Variants in ASPH observed in about 807,000 individuals in gnomAD.
ASPH encodes aspartate beta-hydroxylase.
ASPH carries 100 observed loss-of-function variants against 118.4 expected under a neutral mutation model. The observed-to-expected ratio is 0.84, with a 90% CI of 0.72 to 1.00. The LOEUF (loss-of-function observed/expected upper bound fraction) is 1.00, where lower values mean the gene tolerates loss of function less well. ASPH is among the 50% of genes least tolerant of loss of function. The pLI, the probability that ASPH is intolerant of heterozygous loss-of-function variation, is 0.00. For synonymous variants in ASPH, 315 were observed against 325.6 expected, an observed-to-expected ratio of 0.97 and a Z score of 0.35; for missense variants, 920 against 919.5, an observed-to-expected ratio of 1.00 and a Z score of -0.01.
At position 61,650,948 on chromosome 8, in the gene ASPH, C is replaced by T. The variant is rs528867283; in HGVS notation, c.490+102G>A. 26 of 1,194,346 alleles carry T rather than the reference C, an allele frequency of 2.2e-5. No homozygotes were observed. In the African/African-American group the frequency reaches 3.7e-4, roughly 17 times the overall value. 74.0% of individuals were successfully genotyped at this position (1,194,346 alleles called of 1,614,324 possible). On this transcript the variant is annotated intron_variant, in intron 5 of 24. Transcript: ENST00000379454. ...TCAAAAACTTTTTAAAAAACACAAA[C>T]ACCCAATTAACCTTTAAATTTTAAA...
chr8:61,675,959 G>C, intron 3 of ASPH: 2 of 1,516,288 alleles, frequency 1.3e-6, no homozygotes, highest in Non-Finnish European at 1.7e-6. Context: ...TGACTTGCAC[G>C]GTAAGATCAC....
intron 12 of ASPH, among the ~76,000 whole-genome samples, chr8:61,636,338 G>C (rs972248719): frequency 6.6e-6 from 1 of 152,118 alleles, no homozygotes; most frequent in African/African-American, 2.4e-5. Flanking sequence ...AAATGTTTAG[G>C]GAGTCTATTA....
chr8:61,534,807 A>G lies in ASPH; in HGVS notation c.1765-8695T>C, dbSNP rs149920179. On this transcript the variant is annotated intron_variant, in intron 21 of 24. Transcript: ENST00000379454. Reference sequence around the variant, plus strand: ...ATTTCAGTAACGGGATTTACGAAGGAAAGTCACTAATGGTAATTTGCAAGG... The same window carrying G: ...ATTTCAGTAACGGGATTTACGAAGGGAAGTCACTAATGGTAATTTGCAAGG... 3.1e-3 allele frequency among the ~76,000 whole-genome samples: 466 copies of G among 152,362 alleles called. 4 individuals carry two copies. Among genetic ancestry groups the G allele is most frequent in the African/African-American group, 0.011 (447 of 41,584 alleles).
At chr8:61,677,269 A>T (rs1825867283) in intron 3 of ASPH, among the ~76,000 whole-genome samples, 1 of 152,136 alleles carries the variant, frequency 6.6e-6, no homozygotes, top group East Asian at 1.9e-4. Context: ...TCCTGTGAAG[A>T]ACTGGCTCTG....
At chr8:61,567,376 C>T in intron 16 of ASPH, 58 bp from the exon 17 acceptor site, 1 of 1,466,182 alleles carries the variant, frequency 6.8e-7, no homozygotes. Context: ...TTGTAATTAC[C>T]CAAAATATTC....
intron 13 of ASPH, 141 bp from the exon 14 acceptor site, chr8:61,619,160 C>A (rs949346794): frequency 1.7e-6 from 1 of 575,408 alleles, no homozygotes; most frequent in East Asian, 3.1e-5. Flanking sequence ...TTTCCTAAAT[C>A]CTGAATTCAT....
chr8:61,686,673 T>C (rs1443733290), intron 1 of ASPH, among the ~76,000 whole-genome samples: 1 of 152,202 alleles, frequency 6.6e-6, no homozygotes, highest in Non-Finnish European at 1.5e-5. Flanking sequence ...AATATCCACA[T>C]ACTCTAAATA....
intron 24 of ASPH, among the ~76,000 whole-genome samples, chr8:61,506,001 T>C (rs1051893310): frequency 5.9e-5 from 9 of 152,162 alleles, no homozygotes; most frequent in Non-Finnish European, 1.2e-4. Context: ...GGAAGTGTAC[T>C]CAAAATGAAA....
At chr8:61,528,604 G>A (rs912933042) in intron 21 of ASPH, among the ~76,000 whole-genome samples, 1 of 7,228 alleles carries the variant, frequency 1.4e-4, no homozygotes, top group African/African-American at 3.3e-4. Flanking sequence ...CTGATCTTTT[G>A]TTACTAAAAA....
chr8:61,561,131 G>GAAA (rs1234606659), intron 18 of ASPH, among the ~76,000 whole-genome samples: 1 of 136,798 alleles, frequency 7.3e-6, no homozygotes, highest in African/African-American at 2.8e-5. Context: ...AGGGAGGGAG[G>GAAA]GAGGGAGGAA....
intron 20 of ASPH, among the ~76,000 whole-genome samples, chr8:61,549,159 C>T (rs1210358585): frequency 6.6e-6 from 1 of 152,160 alleles, no homozygotes; most frequent in African/African-American, 2.4e-5. Flanking sequence ...TTCATAGTAA[C>T]TTGAATATCT....
At chr8:61,705,526 CA>C (rs1240182610) in intron 1 of ASPH, among the ~76,000 whole-genome samples, 1 of 151,570 alleles carries the variant, frequency 6.6e-6, no homozygotes, top group Non-Finnish European at 1.5e-5. Flanking sequence ...GGAGACTTTA[CA>C]AAAAAAAGTA....
chr8:61,648,009 G>A (rs567217829), intron 5 of ASPH, among the ~76,000 whole-genome samples: 14 of 152,180 alleles, frequency 9.2e-5, no homozygotes, highest in Admixed American at 2.0e-4. Context: ...GCTTTGCAGT[G>A]CAGCTCAGGG....
intron 24 of ASPH, among the ~76,000 whole-genome samples, chr8:61,514,265 TAGGCTC>T (rs1383788751): frequency 5.3e-5 from 8 of 152,094 alleles, no homozygotes; most frequent in Non-Finnish European, 1.0e-4. Context: ...TACTGAAGAC[TAGGCTC>T]AGTTCCATCT....
chr8:61,613,368 C>T (rs753893624), intron 14 of ASPH, among the ~76,000 whole-genome samples: 2 of 152,160 alleles, frequency 1.3e-5, no homozygotes, highest in Non-Finnish European at 2.9e-5. Flanking sequence ...TCTACAATCA[C>T]GTAAGCCAAT....
At chr8:61,668,750 G>A (rs577684264) in intron 3 of ASPH, among the ~76,000 whole-genome samples, 35 of 152,184 alleles carry the variant, frequency 2.3e-4, no homozygotes, top group Middle Eastern at 3.4e-3. Context: ...CCACCAGTTC[G>A]CACTGTCTTT....
chr8:61,518,210 C>A, intron 22 of ASPH, 87 bp from the exon 23 acceptor site: 1 of 1,123,808 alleles, frequency 8.9e-7, no homozygotes, highest in African/African-American at 1.6e-5. Context: ...TATATGTCAT[C>A]CTCACTGCAG....
intron 16 of ASPH, among the ~76,000 whole-genome samples, chr8:61,572,202 A>C (rs1833662158): frequency 6.6e-6 from 1 of 152,190 alleles, no homozygotes; most frequent in Non-Finnish European, 1.5e-5. Context: ...GTCCTGTACA[A>C]ATGTCTGCAT....
intron 1 of ASPH, among the ~76,000 whole-genome samples, chr8:61,693,121 C>G (rs1046268155): frequency 3.9e-5 from 6 of 152,142 alleles, no homozygotes; most frequent in Non-Finnish European, 5.9e-5. Flanking sequence ...GTCTTCTACA[C>G]CCCAAGTCCA....
Sources: gnomAD v4.1 joint callset for allele counts (sites outside exome capture counted in the v4.1 genomes callset) on GRCh38, gnomAD v4.1.1 for gene constraint, MANE v1.5 for transcripts, NCBI Gene and HGNC (gene_info 2026-07-23, HGNC 2026-07-21) for gene names.